ZFYVE16: variants seen among roughly 807,000 people sequenced by gnomAD.
ZFYVE16 encodes zinc finger FYVE-type containing 16.
ZFYVE16 carries 89 observed loss-of-function variants against 138.1 expected under a neutral mutation model. The ratio of observed to expected loss-of-function variants is 0.64; its 90% CI spans 0.54 to 0.77. The LOEUF (loss-of-function observed/expected upper bound fraction) is 0.77. Among genes scored for constraint, ZFYVE16 ranks in the 30% least tolerant of loss-of-function variants. ZFYVE16 has a pLI of 0.00. For synonymous variants in ZFYVE16, 596 were observed against 618.3 expected (o/e 0.96, Z 0.53); for missense variants, 1,793 against 1,786.7 (o/e 1.00, Z -0.06).
chr5:80,462,649 A>G (rs1753253166), intron 15 of ZFYVE16, among the ~76,000 whole-genome samples: 1 of 152,194 alleles, frequency 6.6e-6, no homozygotes, highest in South Asian at 2.1e-4. Flanking sequence ...CCTTTGCAAC[A>G]GTCTCCCAAA....
intron 16 of ZFYVE16, 104 bp from the exon 17 acceptor site, chr5:80,473,650 C>T: frequency 1.4e-6 from 1 of 706,762 alleles, no homozygotes; most frequent in South Asian, 2.6e-5. Flanking sequence ...ATTGACATAT[C>T]TTCTTTTATA....
chr5:80,482,084 G>A lies in ZFYVE16; in HGVS notation c.*4707G>A, dbSNP rs1295192720. 1.3e-5 allele frequency among the ~76,000 whole-genome samples: 2 copies of A among 152,196 alleles called. No individual in the cohort carries two copies. The highest frequency in any genetic ancestry group is 2.4e-5 in the African/African-American group (1 of 41,454). Reference sequence around the variant, plus strand: ...GATCTGCCTGCCTGGGCCTCCCAAAGTGCTGGGATTACAGGCATAAGCCAG... The same window carrying A: ...GATCTGCCTGCCTGGGCCTCCCAAAATGCTGGGATTACAGGCATAAGCCAG... On this transcript the variant is annotated 3_prime_UTR_variant, in exon 19 of 19. Coordinates refer to ENST00000505560, the MANE Select transcript of ZFYVE16 (RefSeq NM_001284236.3).
At position 80,432,245 on chromosome 5, in the gene ZFYVE16, A is replaced by C. The variant is rs928008272; in HGVS notation, c.-39-1864A>C. On this transcript the variant is annotated intron_variant, in intron 2 of 18. Transcript: ENST00000505560. ...CTGGTACCAAAACAGAGATATAGAC[A>C]AATGGAACAGAACAGAGCCCTCAGA... 1.8e-4 allele frequency among the ~76,000 whole-genome samples: 28 copies of C among 151,926 alleles called. 1 individual carries two copies. The highest frequency in any genetic ancestry group is 5.8e-4 in the East Asian group (3 of 5,174).
At chr5:80,448,458 T>G in intron 8 of ZFYVE16, 54 bp downstream of exon 8, 1 of 1,360,022 alleles carries the variant, frequency 7.4e-7, no homozygotes, top group Non-Finnish European at 9.5e-7. Context: ...TACTGATGAA[T>G]TTTATCTGTG....
chr5:80,407,744 G>C (rs1407546468), upstream of ZFYVE16, among the ~76,000 whole-genome samples: 2 of 152,194 alleles, frequency 1.3e-5, no homozygotes, highest in African/African-American at 2.4e-5. Context: ...GCTGCCTCTA[G>C]GTTAGCGAAG....
chr5:80,420,561 T>C (rs1362111003), intron 1 of ZFYVE16, among the ~76,000 whole-genome samples: 1 of 152,188 alleles, frequency 6.6e-6, no homozygotes, highest in Non-Finnish European at 1.5e-5. Flanking sequence ...TTTTTTGTCC[T>C]TGCGATAGTT....
intron 15 of ZFYVE16, among the ~76,000 whole-genome samples, chr5:80,465,373 A>G (rs1351959044): frequency 9.9e-5 from 5 of 50,612 alleles, no homozygotes; most frequent in Non-Finnish European, 2.7e-4. Flanking sequence ...TCTGGCCTCC[A>G]TGGTTTCTTT....
intron 18 of ZFYVE16, among the ~76,000 whole-genome samples, chr5:80,475,735 CTAAT>C (rs1441977854): frequency 6.6e-6 from 1 of 152,070 alleles, no homozygotes; most frequent in Admixed American, 6.6e-5. Context: ...ATTTATCTAA[CTAAT>C]TATTCATGCA....
Position 80,483,188 on chromosome 5 carries a change from A to G in ZFYVE16, c.*5811A>G, listed in dbSNP as rs1208990763. 4 of 152,186 alleles carry G rather than the reference A, an allele frequency of 2.6e-5. No individual in the cohort carries two copies. The highest frequency in any genetic ancestry group is 4.4e-5 in the Non-Finnish European group (3 of 68,016). 9.4% of individuals were successfully genotyped at this position (152,186 alleles called of 1,614,324 possible). On this transcript the variant is annotated 3_prime_UTR_variant, in exon 19 of 19. Coordinates refer to ENST00000505560, the MANE Select transcript of ZFYVE16 (RefSeq NM_001284236.3). ...CTGGCTGAAATAAAGACATTGTCAG[A>G]AGAAGGAAAGCTAAAATAATTCATT...
chr5:80,434,993 C>G (rs1749669409), intron 3 of ZFYVE16, among the ~76,000 whole-genome samples: 1 of 151,956 alleles, frequency 6.6e-6, no homozygotes, highest in Non-Finnish European at 1.5e-5. Context: ...TCCTGAGGAG[C>G]TGGGATTACA....
rs576361530 is a variant in ZFYVE16, at chr5:80,468,280, A to T, written c.4025-4481A>T. On this transcript the variant is annotated intron_variant, in intron 15 of 18. Transcript: ENST00000505560. ...CCTCACTTATTTTAAATCTACAGTT[A>T]TGTGTTGCTTAGTGATGGGGATACA... Among the ~76,000 whole-genome samples the T allele has an allele frequency of 4.6e-5, 7 of 152,316 alleles. No individual in the cohort carries two copies. The South Asian group carries it at 1.4e-3, about 32-fold the overall frequency.
rs1463204833 is a variant in ZFYVE16 at position 80,477,811 on chromosome 5, A to G, written c.*434A>G. 1 of 152,368 alleles carries G rather than the reference A, an allele frequency of 6.6e-6. No individual in the cohort carries two copies. Among genetic ancestry groups the G allele is most frequent in the Non-Finnish European group, 1.5e-5 (1 of 68,178 alleles). 9.4% of individuals were successfully genotyped at this position (152,368 alleles called of 1,614,324 possible). On this transcript the variant is annotated 3_prime_UTR_variant, in exon 19 of 19. Coordinates refer to ENST00000505560, the MANE Select transcript of ZFYVE16 (RefSeq NM_001284236.3). ...TGGTTTCTAAAGTCTGTCAAATTGT[A>G]TTTCAGTGGCACAAAAACCAGTTTT...
In ZFYVE16 at chr5:80,412,695, T is replaced by C. The variant is rs1745628312; in HGVS notation, c.-94+4542T>C. Among the ~76,000 whole-genome samples, 2 of 152,240 alleles carry C rather than the reference T, an allele frequency of 1.3e-5. 1 individual carries two copies. The highest frequency in any genetic ancestry group is 4.1e-4 in the South Asian group (2 of 4,836). ...TCCATAATTTATTTCTAAAAAATTC[T>C]CTGGCTTTTGCTAATAAGAAACTAT... On this transcript the variant is annotated intron_variant, in intron 1 of 18. Transcript: ENST00000505560.
chr5:80,445,663 T>C (rs1293003922), intron 7 of ZFYVE16, among the ~76,000 whole-genome samples: 1 of 151,902 alleles, frequency 6.6e-6, no homozygotes, highest in Admixed American at 6.6e-5. Flanking sequence ...TGGGCTCAAG[T>C]GATGCTTCCA....
intron 1 of ZFYVE16, among the ~76,000 whole-genome samples, chr5:80,413,481 A>AC (rs1383109561): frequency 7.0e-6 from 1 of 142,318 alleles, no homozygotes; most frequent in Non-Finnish European, 1.5e-5. Context: ...CAAAAAAAAA[A>AC]AAAAGAAAAA....
chr5:80,419,188 C>A (rs974688910), intron 1 of ZFYVE16, among the ~76,000 whole-genome samples: 1 of 151,548 alleles, frequency 6.6e-6, no homozygotes, highest in Non-Finnish European at 1.5e-5. Flanking sequence ...AGCTGATTCT[C>A]CCACCTCAGC....
intron 15 of ZFYVE16, among the ~76,000 whole-genome samples, chr5:80,467,411 C>T (rs989213172): frequency 6.6e-6 from 1 of 152,178 alleles, no homozygotes; most frequent in African/African-American, 2.4e-5. Flanking sequence ...CACTGCCTGA[C>T]TTGAATGTTG....
intron 14 of ZFYVE16, 46 bp from the exon 15 acceptor site, chr5:80,459,367 TA>T (rs565363958): frequency 1.3e-6 from 2 of 1,545,514 alleles, no homozygotes; most frequent in Non-Finnish European, 1.8e-6. Context: ...ATGTGTAACA[TA>T]AAAATGAGCA....
intron 18 of ZFYVE16, 60 bp downstream of exon 18, chr5:80,474,890 T>C (rs981219667): frequency 6.5e-6 from 10 of 1,534,612 alleles, no homozygotes; most frequent in Middle Eastern, 1.8e-4. Flanking sequence ...AACAAGTTTT[T>C]CTTCAACCTT....
Sources: allele counts gnomAD v4.1 joint callset (sites outside exome capture counted in the v4.1 genomes callset), GRCh38; gene constraint gnomAD v4.1.1; transcripts MANE v1.5; gene names NCBI Gene and HGNC (gene_info 2026-07-23, HGNC 2026-07-21).